The following LDLRAP1 variants were observed in gnomAD, a reference collection of about 807,000 sequenced individuals.
LDLRAP1 encodes low density lipoprotein receptor adaptor protein 1.
Under a neutral mutation model 37.8 loss-of-function variants are expected in LDLRAP1, and 30 were observed. The observed-to-expected ratio is 0.79, with a 90% CI of 0.59 to 1.08. The LOEUF (loss-of-function observed/expected upper bound fraction) is 1.08, where lower values mean the gene tolerates loss of function less well. LDLRAP1 is among the 50% of genes least tolerant of loss of function. LDLRAP1 has a pLI of 0.00. For synonymous variants in LDLRAP1, 156 were observed against 169.8 expected (o/e 0.92, Z 0.63); for missense variants, 375 against 401.6 (o/e 0.93, Z 0.57).
At chr1:25,576,612 G>T in the LDLRAP1 span, among the ~76,000 whole-genome samples, 1 of 152,232 alleles carries the variant, frequency 6.6e-6, no homozygotes, top group African/African-American at 2.4e-5. Context: ...CCTGGCTTTG[G>T]GTGCCCGGCC....
chr1:25,562,056 G>A (rs2044354380), intron 4 of LDLRAP1, among the ~76,000 whole-genome samples: 1 of 152,122 alleles, frequency 6.6e-6, no homozygotes, highest in Non-Finnish European at 1.5e-5. Flanking sequence ...GACCGGTTTT[G>A]GTCCCCGGGC....
chr1:25,547,859 A>G (rs1428463122), intron 1 of LDLRAP1, among the ~76,000 whole-genome samples: 1 of 152,214 alleles, frequency 6.6e-6, no homozygotes, highest in Non-Finnish European at 1.5e-5. Context: ...GTCTGGGAAC[A>G]GTGTTCCAGC....
intron 8 of LDLRAP1, among the ~76,000 whole-genome samples, chr1:25,566,035 G>A (rs907414971): frequency 1.3e-5 from 2 of 152,178 alleles, no homozygotes; most frequent in African/African-American, 4.8e-5. Context: ...GGGCGACAGT[G>A]ACACCTTCCC....
In LDLRAP1 at chr1:25,568,298, GTT is replaced by G. The variant is rs2044537207; in HGVS notation, c.*1307_*1308del. ...AATCCAACCCTGTCAGAATCATGCT[GTT>G]CTCTTTGCTGACACTGTGACCCTGG... On this transcript the variant is annotated 3_prime_UTR_variant, in exon 9 of 9. Coordinates refer to ENST00000374338, the MANE Select transcript of LDLRAP1 (RefSeq NM_015627.3). The G allele has an allele frequency of 6.6e-6, 1 of 152,530 alleles. No homozygotes were observed. Among genetic ancestry groups the G allele is most frequent in the Non-Finnish European group, 1.5e-5 (1 of 68,052 alleles). The allele number at this position is 152,530 out of a possible 1,614,324, so 9.4% of individuals were successfully genotyped here.
chr1:25,582,454 A>C, the LDLRAP1 span, among the ~76,000 whole-genome samples: 1 of 150,250 alleles, frequency 6.7e-6, no homozygotes, highest in Admixed American at 6.6e-5. Context: ...GCATGGTGGC[A>C]TGCACCTGTA....
chr1:25,584,214 G>C, the LDLRAP1 span, among the ~76,000 whole-genome samples: 4 of 151,868 alleles, frequency 2.6e-5, no homozygotes, highest in African/African-American at 7.3e-5. Context: ...TGGTTATCTG[G>C]CTCCTAGATA....
the LDLRAP1 span, among the ~76,000 whole-genome samples, chr1:25,578,991 C>T: frequency 4.7e-3 from 723 of 152,290 alleles, 6 homozygotes; most frequent in African/African-American, 0.015. Context: ...CTTTGTCTTA[C>T]GTGACCCATG....
downstream of LDLRAP1, among the ~76,000 whole-genome samples, chr1:25,569,564 T>C (rs1391829610): frequency 6.6e-6 from 1 of 152,220 alleles, no homozygotes; most frequent in Admixed American, 6.5e-5. Context: ...CTGGGTTTTG[T>C]GTGACTCAGT....
the LDLRAP1 span, among the ~76,000 whole-genome samples, chr1:25,585,889 C>T: frequency 3.6e-4 from 55 of 152,364 alleles, no homozygotes; most frequent in Admixed American, 9.8e-4. Flanking sequence ...TTTTAGTCCC[C>T]ACACTGCCCC....
rs1049626491 is a variant in LDLRAP1, at chr1:25,543,673, A to AGCGGCG, written c.-17_-12dup. The stretch of plus-strand genomic sequence containing the variant: ...TTCCTGACGGAGTTTTGGCTGCGGC[A>AGCGGCG]GCGGCGGCGGCGGCCGGAGCGGGCC... On this transcript the variant is annotated 5_prime_UTR_variant, in exon 1 of 9. Coordinates refer to ENST00000374338, the MANE Select transcript of LDLRAP1 (RefSeq NM_015627.3). 36 of 1,208,802 alleles carry AGCGGCG rather than the reference A, an allele frequency of 3.0e-5. No individual in the cohort carries two copies. The highest frequency in any genetic ancestry group is 4.4e-5 in the Admixed American group (1 of 22,862). 74.9% of individuals were successfully genotyped at this position (1,208,802 alleles called of 1,614,324 possible).
the LDLRAP1 span, among the ~76,000 whole-genome samples, chr1:25,581,164 T>C: frequency 6.6e-6 from 1 of 152,096 alleles, no homozygotes; most frequent in Non-Finnish European, 1.5e-5. Flanking sequence ...GAGGAACATG[T>C]GTTCTCTGCC....
At chr1:25,553,814 C>T (rs973862358) in intron 1 of LDLRAP1, 108 bp from the exon 2 acceptor site, 96 of 1,311,248 alleles carry the variant, frequency 7.3e-5, no homozygotes, top group South Asian at 4.4e-4. Context: ...GTGGGGGAGA[C>T]CCCCATCCCC....
chr1:25,589,873 C>T, the LDLRAP1 span, among the ~76,000 whole-genome samples: 3 of 152,300 alleles, frequency 2.0e-5, no homozygotes, highest in African/African-American at 7.2e-5. Flanking sequence ...GAGGCCGAGG[C>T]GAGCGGATCA....
At chr1:25,564,886 A>G (rs1201387055) in intron 7 of LDLRAP1, 14 of 461,816 alleles carry the variant, frequency 3.0e-5, no homozygotes, top group Non-Finnish European at 4.8e-5. Flanking sequence ...TGACTTGCCC[A>G]AGGTCTCACG....
rs1557700158 is a variant in LDLRAP1 at position 25,553,989 on chromosome 1, C to G, written c.156C>G (p.Tyr52Ter). The G allele has an allele frequency of 6.2e-7, 1 of 1,614,084 alleles. No individual in the cohort carries two copies. The highest frequency in any genetic ancestry group is 8.5e-7 in the Non-Finnish European group (1 of 1,180,008). The change falls in exon 2 of 9, where the codon TAC becomes TAG. Residue 52 changes from tyrosine to a stop codon, truncating the protein, a stop_gained. Transcript: ENST00000374338. LOFTEE classifies it high-confidence loss of function. The stretch of plus-strand genomic sequence containing the variant: ...AGGGGATGCTGTTCAGCCTCAAGTA[C>G]CTGGGCATGACGCTAGTGGAGCAGC... ...LLEGMLFSLK[Y>*]LGMTLVEQPK... is the part of the protein sequence containing the mutation.
chr1:25,545,248 C>CA (rs1460429802), intron 1 of LDLRAP1, among the ~76,000 whole-genome samples: 2 of 152,118 alleles, frequency 1.3e-5, no homozygotes, highest in Non-Finnish European at 2.9e-5. Context: ...GGGCAGCCCC[C>CA]AGGGAAGTGG....
chr1:25,577,317 G>A, the LDLRAP1 span, among the ~76,000 whole-genome samples: 12 of 152,148 alleles, frequency 7.9e-5, no homozygotes, highest in Admixed American at 2.6e-4. Flanking sequence ...GGGAGGGGCT[G>A]CCAGGATGCG....
In LDLRAP1 at chr1:25,568,020, G is replaced by T. The variant is rs2044530711; in HGVS notation, c.*1028G>T. Reference sequence around the variant, plus strand: ...GGGTAGAGTGAAGAGTAGAACCCAGGTCTGATGCCAAAGCTGCTTTCTTCT... The same window carrying T: ...GGGTAGAGTGAAGAGTAGAACCCAGTTCTGATGCCAAAGCTGCTTTCTTCT... On this transcript the variant is annotated 3_prime_UTR_variant, in exon 9 of 9. Transcript: ENST00000374338. 6.6e-6 allele frequency: 1 copy of T among 152,544 alleles called. No individual in the cohort carries two copies. Among genetic ancestry groups the T allele is most frequent in the South Asian group, 2.1e-4 (1 of 4,828 alleles). 9.4% of individuals were successfully genotyped at this position (152,544 alleles called of 1,614,324 possible).
chr1:25,577,505 G>A, the LDLRAP1 span, among the ~76,000 whole-genome samples: 1 of 152,234 alleles, frequency 6.6e-6, no homozygotes, highest in African/African-American at 2.4e-5. Flanking sequence ...ACCACGCCCA[G>A]TGCAGGAGGC....
Sources: gnomAD v4.1 joint callset for allele counts (sites outside exome capture counted in the v4.1 genomes callset) on GRCh38, gnomAD v4.1.1 for gene constraint, MANE v1.5 for transcripts, NCBI Gene and HGNC (gene_info 2026-07-23, HGNC 2026-07-21) for gene names.